The following NTN1 variants were observed in gnomAD, a reference collection of about 807,000 sequenced individuals.
NTN1 encodes netrin 1, also known as netrin-1.
A neutral mutation model predicts 54.2 loss-of-function variants in NTN1; 11 were observed. That is an observed-to-expected ratio of 0.20 (90% CI 0.13 to 0.34). The LOEUF (loss-of-function observed/expected upper bound fraction) is 0.34, where lower values mean the gene tolerates loss of function less well. Among genes scored for constraint, NTN1 ranks in the 10% least tolerant of loss-of-function variants. The pLI is 1.00. For missense variants in NTN1, 740 were observed against 893.1 expected (o/e 0.83, Z 2.18); for synonymous variants, 371 against 382.0 (o/e 0.97, Z 0.33).
chr17:9,034,252 G>A (rs2091896391), intron 2 of NTN1, among the ~76,000 whole-genome samples: 1 of 152,034 alleles, frequency 6.6e-6, no homozygotes, highest in Admixed American at 6.5e-5. Context: ...CTCAGAGGAG[G>A]GGTACAGGAA....
intron 2 of NTN1, among the ~76,000 whole-genome samples, chr17:9,154,739 G>A (rs1303396823): frequency 3.3e-5 from 5 of 152,158 alleles, no homozygotes; most frequent in African/African-American, 1.2e-4. Flanking sequence ...GAGCAGCAAA[G>A]TAATAAAGGA....
At chr17:9,228,430 A>G (rs977473151) in intron 6 of NTN1, among the ~76,000 whole-genome samples, 9 of 152,154 alleles carry the variant, frequency 5.9e-5, no homozygotes, top group Non-Finnish European at 1.2e-4. Context: ...TGTGTGCCGA[A>G]GCCACTCTGA....
At chr17:9,010,424 A>G in the NTN1 span, among the ~76,000 whole-genome samples, 2 of 152,168 alleles carry the variant, frequency 1.3e-5, no homozygotes, top group African/African-American at 4.8e-5. Context: ...GACTGCTCTG[A>G]ACTCAGTGTT....
chr17:9,160,493 A>G (rs1362999125), intron 2 of NTN1, among the ~76,000 whole-genome samples: 1 of 152,242 alleles, frequency 6.6e-6, no homozygotes, highest in Non-Finnish European at 1.5e-5. Context: ...AACTAGATGT[A>G]TAAAAGTATG....
At chr17:9,182,882 TCCTCCCCTCG>T in intron 4 of NTN1, 24 bp from the exon 5 acceptor site, 1 of 1,610,796 alleles carries the variant, frequency 6.2e-7, no homozygotes, top group Non-Finnish European at 8.5e-7. Context: ...TTGTTTTCTC[TCCTCCCCTCG>T]CCCCCGTCTT....
In NTN1 at chr17:9,051,796, TCTAA is replaced by T. The variant is rs200246593; in HGVS notation, c.1018+28408_1018+28411del. 3.2e-3 allele frequency among the ~76,000 whole-genome samples: 487 copies of T among 152,296 alleles called. 3 individuals carry two copies. The highest frequency in any genetic ancestry group is 0.011 in the African/African-American group (460 of 41,566). ...AGATCTTTCTAACTTGTTCATCCTG[TCTAA>T]CTGAGAGGTGATTTTGTACCCTTTG... On this transcript the variant is annotated intron_variant, in intron 2 of 6. Coordinates refer to ENST00000173229, the MANE Select transcript of NTN1 (RefSeq NM_004822.3).
chr17:9,096,366 CTTTTTTTT>C (rs1555567412), intron 2 of NTN1, among the ~76,000 whole-genome samples: 1 of 91,510 alleles, frequency 1.1e-5, no homozygotes, highest in Non-Finnish European at 2.0e-5. Context: ...TATGGGTAGA[CTTTTTTTT>C]TTTTTTTTTT....
At chr17:9,056,960 G>A (rs966887431) in intron 2 of NTN1, among the ~76,000 whole-genome samples, 2 of 152,030 alleles carry the variant, frequency 1.3e-5, no homozygotes, top group South Asian at 2.1e-4. Context: ...CCCCCGTCTC[G>A]TCCCTTCAAC....
At chr17:9,045,411 C>T (rs1003400485) in intron 2 of NTN1, among the ~76,000 whole-genome samples, 11 of 152,316 alleles carry the variant, frequency 7.2e-5, no homozygotes, top group Admixed American at 3.9e-4. Context: ...ACACCACCCC[C>T]GGGAGCTCTC....
Position 9,022,889 on chromosome 17 carries a change from G to A in NTN1, c.516G>A (p.Val172=), listed in dbSNP as rs2091857281. The A allele has an allele frequency of 6.2e-7, 1 of 1,612,164 alleles. No individual in the cohort carries two copies. The highest frequency in any genetic ancestry group is 1.7e-5 in the Admixed American group (1 of 59,972). Reference sequence around the variant, plus strand: ...CCATGGACTACGGGCGCACGTGGGTGCCCTTCCAGTTCTACTCCACGCAGT... The same window carrying A: ...CCATGGACTACGGGCGCACGTGGGTACCCTTCCAGTTCTACTCCACGCAGT... ...YKSMDYGRTW[V]PFQFYSTQCR... The change falls in exon 2 of 7, where the codon GTG becomes GTA. Residue 172 remains valine, a synonymous_variant. Coordinates refer to ENST00000173229, the MANE Select transcript of NTN1 (RefSeq NM_004822.3).
At chr17:9,148,071 C>G (rs2142286245) in intron 2 of NTN1, among the ~76,000 whole-genome samples, 1 of 152,220 alleles carries the variant, frequency 6.6e-6, no homozygotes, top group East Asian at 1.9e-4. Context: ...TAACTAGTGA[C>G]AGGGCCTCTT....
At chr17:9,019,169 C>T (rs1202896264), upstream of NTN1, among the ~76,000 whole-genome samples, 1 of 152,178 alleles carries the variant, frequency 6.6e-6, no homozygotes, top group African/African-American at 2.4e-5. Flanking sequence ...TGTCTCCCTT[C>T]TTAGCTTTTC....
chr17:9,122,167 A>G (rs958453379), intron 2 of NTN1, among the ~76,000 whole-genome samples: 1 of 151,688 alleles, frequency 6.6e-6, no homozygotes, highest in African/African-American at 2.4e-5. Context: ...CCTCCCAAGT[A>G]GCTGGGACTA....
intron 6 of NTN1, among the ~76,000 whole-genome samples, chr17:9,234,951 T>G (rs1405806257): frequency 8.0e-6 from 1 of 125,066 alleles, no homozygotes; most frequent in African/African-American, 3.4e-5. Flanking sequence ...TTTTGTCTGT[T>G]TTTTGTTTTT....
Position 9,221,295 on chromosome 17 carries a change from C to A in NTN1, c.1486+53C>A. 1 of 1,444,508 alleles carries A rather than the reference C, an allele frequency of 6.9e-7. No individual in the cohort carries two copies. Among genetic ancestry groups the A allele is most frequent in the Admixed American group, 1.7e-5 (1 of 59,734 alleles). 89.5% of individuals were successfully genotyped at this position (1,444,508 alleles called of 1,614,324 possible). Reference sequence around the variant, plus strand: ...GGATGGGAGGGGGCCACGTGACCAGCGAGGTGCTGGGGCTGGGGTGCAGCT... The same window carrying A: ...GGATGGGAGGGGGCCACGTGACCAGAGAGGTGCTGGGGCTGGGGTGCAGCT... On this transcript the variant is annotated intron_variant, in intron 6 of 6. Transcript: ENST00000173229. This position sits in a 1 kb window ranked among gnomAD's most constrained non-coding sequence, Gnocchi z 4.5.
At chr17:9,070,679 C>A (rs935994356) in intron 2 of NTN1, among the ~76,000 whole-genome samples, 3 of 152,192 alleles carry the variant, frequency 2.0e-5, no homozygotes, top group African/African-American at 7.2e-5. Flanking sequence ...GCAACCTCCG[C>A]CTCCCGGGTT....
At position 9,221,147 on chromosome 17, in the gene NTN1, T is replaced by TGCGC; in HGVS notation, c.1412-21_1412-20insGCGC. The TGCGC allele has an allele frequency of 7.7e-7, 1 of 1,303,806 alleles. No homozygotes were observed. The highest frequency in any genetic ancestry group is 1.0e-6 in the Non-Finnish European group (1 of 952,878). 80.8% of individuals were successfully genotyped at this position (1,303,806 alleles called of 1,614,324 possible). ...CAGCCTAATTAGTTTTTGTCTGTGC[T>TGCGC]CCCCCCCCACCCCCCTGCAGACTGC... On this transcript the variant is annotated intron_variant, in intron 5 of 6. Coordinates refer to ENST00000173229, the MANE Select transcript of NTN1 (RefSeq NM_004822.3). This position sits in a 1 kb window ranked among gnomAD's most constrained non-coding sequence, Gnocchi z 4.5.
intron 2 of NTN1, among the ~76,000 whole-genome samples, chr17:9,104,088 CAAA>C (rs55732200): frequency 1.4e-5 from 1 of 70,836 alleles, no homozygotes; most frequent in Non-Finnish European, 2.5e-5. Context: ...GACTCCATCT[CAAA>C]AAAAAAAAAA....
At chr17:9,188,302 C>G (rs1378103390) in intron 5 of NTN1, among the ~76,000 whole-genome samples, 1 of 151,986 alleles carries the variant, frequency 6.6e-6, no homozygotes, top group Non-Finnish European at 1.5e-5. Flanking sequence ...GTGGTGCATG[C>G]CTATAATCCC....
Sources: gnomAD v4.1 joint callset for allele counts (sites outside exome capture counted in the v4.1 genomes callset) on GRCh38, gnomAD v4.1.1 for gene constraint, Gnocchi (gnomAD v3.1) non-coding constraint, MANE v1.5 for transcripts, NCBI Gene and HGNC (gene_info 2026-07-23, HGNC 2026-07-21) for gene names.